The following SAMD13 variants were observed in gnomAD, a reference collection of about 807,000 sequenced individuals.
SAMD13 encodes sterile alpha motif domain containing 13, also known as sterile alpha motif domain-containing protein 13.
Under a neutral mutation model 12.4 loss-of-function variants are expected in SAMD13, and 9 were observed. That is an observed-to-expected ratio of 0.72 (90% CI 0.44 to 1.26). The LOEUF is 1.26. SAMD13 is among the 50% of genes most tolerant of loss of function. SAMD13 has a pLI of 0.00. For missense variants in SAMD13, 84 were observed against 119.6 expected (o/e 0.70, Z 1.39); for synonymous variants, 46 against 45.4 (o/e 1.01, Z -0.05).
At chr1:84,314,937 C>T (rs914227134) in intron 2 of SAMD13, among the ~76,000 whole-genome samples, 15 of 151,070 alleles carry the variant, frequency 9.9e-5, no homozygotes, top group African/African-American at 3.6e-4. Flanking sequence ...TCTTCTTTTC[C>T]TTCCTTCCTT....
chr1:84,325,944 A>T (rs2101805238), intron 3 of SAMD13, among the ~76,000 whole-genome samples, 196 bp downstream of exon 3: 1 of 152,276 alleles, frequency 6.6e-6, no homozygotes, highest in South Asian at 2.1e-4. Context: ...GAAAACTCAA[A>T]GCCGGAGACA....
intron 2 of SAMD13, among the ~76,000 whole-genome samples, chr1:84,311,391 G>A (rs1306626206): frequency 6.6e-6 from 1 of 150,492 alleles, no homozygotes; most frequent in African/African-American, 2.4e-5. Context: ...ATTAATATTT[G>A]ACAAGCATTC....
In SAMD13 at chr1:84,349,622, C is replaced by T; in HGVS notation, c.166-9C>T. 1.2e-6 allele frequency: 2 copies of T among 1,610,980 alleles called. No homozygotes were observed. ...CACATGTTGGCTTTACCTTCTGCTT[C>T]CATTATAGGAAATTGATGGAAAATC... On this transcript the variant is annotated splice_polypyrimidine_tract_variant and intron_variant, in intron 3 of 3. Transcript: ENST00000394834.
intron 3 of SAMD13, among the ~76,000 whole-genome samples, chr1:84,346,483 G>A (rs771463723): frequency 1.3e-5 from 2 of 152,178 alleles, no homozygotes; most frequent in Non-Finnish European, 2.9e-5. Flanking sequence ...CCCAAGATGT[G>A]AAATATCTTT....
At chr1:84,348,231 CT>C (rs1478945898) in intron 3 of SAMD13, among the ~76,000 whole-genome samples, 2 of 152,198 alleles carry the variant, frequency 1.3e-5, no homozygotes, top group African/African-American at 4.8e-5. Flanking sequence ...AGAGAAGGGA[CT>C]TGCCTAAGGT....
At chr1:84,335,635 G>T (rs1246012796) in intron 3 of SAMD13, among the ~76,000 whole-genome samples, 4 of 152,176 alleles carry the variant, frequency 2.6e-5, no homozygotes, top group Admixed American at 2.6e-4. Context: ...TTGACTTATA[G>T]TGTCAGTGGG....
chr1:84,336,273 G>A (rs774807334), intron 3 of SAMD13, among the ~76,000 whole-genome samples: 24 of 151,898 alleles, frequency 1.6e-4, no homozygotes, highest in Non-Finnish European at 2.9e-5. Context: ...ATTTTTGTCT[G>A]ACTGAGTTAT....
intron 3 of SAMD13, among the ~76,000 whole-genome samples, chr1:84,341,882 A>T (rs1201838013): frequency 6.6e-6 from 1 of 152,176 alleles, no homozygotes; most frequent in Admixed American, 6.5e-5. Context: ...AGACCAACAG[A>T]TATTACCAGT....
intron 3 of SAMD13, among the ~76,000 whole-genome samples, chr1:84,333,878 C>A (rs1178798532): frequency 1.3e-5 from 2 of 152,052 alleles, no homozygotes; most frequent in South Asian, 4.1e-4. Context: ...TATGTTGAAC[C>A]AACCTTGCTT....
chr1:84,330,757 A>G (rs913268802), intron 3 of SAMD13, among the ~76,000 whole-genome samples: 2 of 152,216 alleles, frequency 1.3e-5, no homozygotes, highest in African/African-American at 4.8e-5. Context: ...CTTAGAATAT[A>G]TAAGAAGAAG....
In SAMD13 at chr1:84,349,717, C is replaced by A; in HGVS notation, c.252C>A (p.Ile84=). 1.4e-5 allele frequency: 22 copies of A among 1,613,934 alleles called. No homozygotes were observed. Among genetic ancestry groups the A allele is most frequent in the Non-Finnish European group, 1.9e-5 (22 of 1,179,876 alleles). Residue 84 remains isoleucine (I), a synonymous_variant, in exon 4 of 4, where the codon ATC becomes ATA. Coordinates refer to ENST00000394834, the MANE Select transcript of SAMD13 (RefSeq NM_001134663.2). ...TAAAATTGGGGCCTGCTCTGAAAATCTACGAATATCATGTAAAACCTCTGC... is the reference window on the plus strand; with the variant it reads ...TAAAATTGGGGCCTGCTCTGAAAATATACGAATATCATGTAAAACCTCTGC... ...LQLKLGPALK[I]YEYHVKPLQT... is the part of the protein sequence containing the mutation.
intron 3 of SAMD13, among the ~76,000 whole-genome samples, chr1:84,336,913 G>A (rs1236141098): frequency 6.6e-6 from 1 of 152,122 alleles, no homozygotes; most frequent in Non-Finnish European, 1.5e-5. Flanking sequence ...GGAGAAATTG[G>A]CCAAAACAAA....
At chr1:84,323,374 C>T (rs1678986172) in intron 2 of SAMD13, among the ~76,000 whole-genome samples, 1 of 151,948 alleles carries the variant, frequency 6.6e-6, no homozygotes, top group Non-Finnish European at 1.5e-5. Context: ...AAATAGTTTT[C>T]TTCTCGATGT....
At chr1:84,309,310 T>C (rs1678656516) in intron 2 of SAMD13, among the ~76,000 whole-genome samples, 1 of 152,178 alleles carries the variant, frequency 6.6e-6, no homozygotes, top group South Asian at 2.1e-4. Flanking sequence ...TGAGGCAGGC[T>C]TATTTCAAGG....
Position 84,338,547 on chromosome 1 carries a change from C to CAT in SAMD13, c.166-11084_166-11083insAT, listed in dbSNP as rs1679353392. Among the ~76,000 whole-genome samples, 18 of 151,650 alleles carry CAT rather than the reference C, an allele frequency of 1.2e-4. No homozygotes were observed. In the South Asian group the frequency reaches 1.5e-3, roughly 12 times the overall value. ...CTGCCTCCCGGGTTCAAGTGATTCCCCTGCCTCAGCTTCCTCAGTAACTAG... is the reference window on the plus strand; with the variant it reads ...CTGCCTCCCGGGTTCAAGTGATTCCCATCTGCCTCAGCTTCCTCAGTAACTAG... On this transcript the variant is annotated intron_variant, in intron 3 of 3. Transcript: ENST00000394834.
intron 3 of SAMD13, among the ~76,000 whole-genome samples, chr1:84,331,328 TAAAAAA>T (rs1178046260): frequency 0.012 from 180 of 15,184 alleles, 18 homozygotes; most frequent in Middle Eastern, 0.062. Context: ...CCCTCCTTGG[TAAAAAA>T]AAAAAAAAAA....
chr1:84,333,889 C>T (rs1476913040), intron 3 of SAMD13, among the ~76,000 whole-genome samples: 4 of 152,046 alleles, frequency 2.6e-5, no homozygotes, highest in Admixed American at 2.0e-4. Flanking sequence ...AACCTTGCTT[C>T]CCGGGGATAA....
At position 84,303,393 on chromosome 1, in the gene SAMD13, G is replaced by A. The variant is rs182525249; in HGVS notation, c.53+106G>A. 147 of 888,058 alleles carry A rather than the reference G, an allele frequency of 1.7e-4. No homozygotes were observed. In the African/African-American group the frequency reaches 2.1e-3, roughly 12 times the overall value. 55.0% of individuals were successfully genotyped at this position (888,058 alleles called of 1,614,324 possible). A position where few individuals can be genotyped will look rare whatever the true frequency, so the allele number is the denominator to read the frequency against. On this transcript the variant is annotated intron_variant, in intron 2 of 3. Coordinates refer to ENST00000394834, the MANE Select transcript of SAMD13 (RefSeq NM_001134663.2). ...TACTACAATACACAGTTTGGGGGTC[G>A]CCTTGGTTTGTCTACACTGGCCAGC...
At chr1:84,308,686 GAGA>G (rs748385742) in intron 2 of SAMD13, among the ~76,000 whole-genome samples, 1 of 152,174 alleles carries the variant, frequency 6.6e-6, no homozygotes, top group African/African-American at 2.4e-5. Context: ...GAGAAGGGCA[GAGA>G]AGAAGAGAGG....
Sources: allele counts gnomAD v4.1 joint callset (sites outside exome capture counted in the v4.1 genomes callset), GRCh38; gene constraint gnomAD v4.1.1; transcripts MANE v1.5; gene names NCBI Gene and HGNC (gene_info 2026-07-23, HGNC 2026-07-21).